Variants in PCDHGA4 observed in about 807,000 individuals in gnomAD.
The protein encoded by PCDHGA4 is protocadherin gamma-A4.
In PCDHGA4, 38 loss-of-function variants were observed where a neutral mutation model predicts 54.6. The ratio of observed to expected loss-of-function variants is 0.70; its 90% CI spans 0.54 to 0.91. PCDHGA4 has a LOEUF of 0.91. Ranked by LOEUF, PCDHGA4 falls within the 40% of genes least tolerant of loss-of-function variation. The probability of loss-of-function intolerance (pLI) is 0.00; values close to 1 mark genes in which losing one functional copy is unlikely to be tolerated. For missense variants in PCDHGA4, 1,298 were observed against 1,220.9 expected, an observed-to-expected ratio of 1.06 and a Z score of -0.94; for synonymous variants, 511 against 512.9, an observed-to-expected ratio of 1.00 and a Z score of 0.05.
rs752720166 is a variant in PCDHGA4, at chr5:141,419,978, G to C, written c.2514+62357G>C. 1.9e-6 allele frequency: 3 copies of C among 1,614,076 alleles called. No homozygotes were observed. In the South Asian group the frequency reaches 3.3e-5, roughly 18 times the overall value. On this transcript the variant is annotated intron_variant, in intron 1 of 3. Transcript: ENST00000571252. Reference sequence around the variant, plus strand: ...GATTTCTGTGCTCTTTCTCCTCGCGGTGATTCTAGCTATTGCTCTACGCCT... The same window carrying C: ...GATTTCTGTGCTCTTTCTCCTCGCGCTGATTCTAGCTATTGCTCTACGCCT...
Position 141,486,070 on chromosome 5 carries a change from T to C in PCDHGA4, c.2515-8737T>C. ...ACCTCTTTAGCCTGCACCCCACTAC[T>C]GGAAAGCTTACTCTTTTGGGGCCCC... On this transcript the variant is annotated intron_variant, in intron 1 of 3. Coordinates refer to ENST00000571252, the MANE Select transcript of PCDHGA4 (RefSeq NM_018917.4). The surrounding 1 kb of genome is among the most constrained non-coding windows in gnomAD (Gnocchi z 5.0). 6.2e-7 allele frequency: 1 copy of C among 1,614,158 alleles called. No homozygotes were observed. The highest frequency in any genetic ancestry group is 8.5e-7 in the Non-Finnish European group (1 of 1,180,010).
intron 1 of PCDHGA4, chr5:141,364,818 G>C (rs897458319): frequency 2.0e-5 from 33 of 1,613,896 alleles, no homozygotes; most frequent in Non-Finnish European, 2.5e-5. Context: ...GCGGATGTGG[G>C]TGTGAACTCT....
chr5:141,400,524 G>T, intron 1 of PCDHGA4: 1 of 1,613,920 alleles, frequency 6.2e-7, no homozygotes, highest in Non-Finnish European at 8.5e-7. Flanking sequence ...ATCCTGAGTT[G>T]GTGAGTTTCA....
intron 1 of PCDHGA4, chr5:141,373,841 C>T: frequency 2.3e-6 from 1 of 438,764 alleles, no homozygotes; most frequent in Non-Finnish European, 4.0e-6. Flanking sequence ...TAAGTTAGGA[C>T]TCTAAGCGTC....
Position 141,476,696 on chromosome 5 carries a change from G to T in PCDHGA4, c.2515-18111G>T, listed in dbSNP as rs750429892. ...GACGCGGGAGGACAGCACCAAGTAC[G>T]CGGAGCTGGTGTTGGAGCGCGCCCT... On this transcript the variant is annotated intron_variant, in intron 1 of 3. Transcript: ENST00000571252. This position sits in a 1 kb window ranked among gnomAD's most constrained non-coding sequence, Gnocchi z 7.6. 3 of 1,614,102 alleles carry T rather than the reference G, an allele frequency of 1.9e-6. No individual in the cohort carries two copies. The highest frequency in any genetic ancestry group is 2.5e-6 in the Non-Finnish European group (3 of 1,180,050).
chr5:141,444,475 A>C (rs572738630), intron 1 of PCDHGA4, among the ~76,000 whole-genome samples: 2 of 152,110 alleles, frequency 1.3e-5, no homozygotes, highest in East Asian at 3.9e-4. Context: ...CCGGTCGCGT[A>C]CTGGATTTAT....
At chr5:141,433,237 A>G in intron 1 of PCDHGA4, 1 of 1,495,940 alleles carries the variant, frequency 6.7e-7, no homozygotes, top group South Asian at 1.3e-5. Flanking sequence ...TCTGTCTCCC[A>G]AGCTGGAATG....
intron 1 of PCDHGA4, chr5:141,427,241 T>C (rs1381559575): frequency 4.4e-6 from 2 of 456,696 alleles, no homozygotes; most frequent in Admixed American, 2.3e-5. Flanking sequence ...GAGTAGAAGC[T>C]AAGGATGGTG....
At chr5:141,374,089 G>A in intron 1 of PCDHGA4, 1 of 1,532,432 alleles carries the variant, frequency 6.5e-7, no homozygotes, top group Non-Finnish European at 8.8e-7. Flanking sequence ...CAGTAATGGC[G>A]CCTCCGCAGA....
rs2099612668 is a variant in PCDHGA4, at chr5:141,485,382, TGA to T, written c.2515-9424_2515-9423del. The T allele has an allele frequency of 6.2e-7, 1 of 1,613,538 alleles. No homozygotes were observed. The highest frequency in any genetic ancestry group is 8.5e-7 in the Non-Finnish European group (1 of 1,179,906). On this transcript the variant is annotated intron_variant, in intron 1 of 3. Coordinates refer to ENST00000571252, the MANE Select transcript of PCDHGA4 (RefSeq NM_018917.4). The surrounding 1 kb of genome is among the most constrained non-coding windows in gnomAD (Gnocchi z 5.7). ...CGCAGGCTGCAGGTCGCTGGAGAGG[TGA>T]ACCAAAGACACTTCCGTGTGGATTT...
rs182936964 is a variant in PCDHGA4, at chr5:141,502,069, T to C, written c.2574-3324T>C. 1.1e-3 allele frequency among the ~76,000 whole-genome samples: 175 copies of C among 152,186 alleles called. 1 individual carries two copies. Among genetic ancestry groups the C allele is most frequent in the African/African-American group, 3.9e-3 (162 of 41,524 alleles). ...CCCTACTTTATTCCCATTAGCCCCC[T>C]TCACCTGGGGCTGAGAACACCTGGC... On this transcript the variant is annotated intron_variant, in intron 2 of 3. Coordinates refer to ENST00000571252, the MANE Select transcript of PCDHGA4 (RefSeq NM_018917.4).
rs567684479 is a variant in PCDHGA4 at position 141,432,875 on chromosome 5, G to T, written c.2515-61932G>T. The T allele has an allele frequency of 6.2e-7, 1 of 1,614,178 alleles. No individual in the cohort carries two copies. Among genetic ancestry groups the T allele is most frequent in the South Asian group, 1.1e-5 (1 of 91,084 alleles). ...GGCCGCGGTCTCCTGCGTCTTCCTG[G>T]CCTTCGTCATCTTGCTGCTGGCGCT... On this transcript the variant is annotated intron_variant, in intron 1 of 3. Coordinates refer to ENST00000571252, the MANE Select transcript of PCDHGA4 (RefSeq NM_018917.4). This position sits in a 1 kb window ranked among gnomAD's most constrained non-coding sequence, Gnocchi z 6.0.
chr5:141,415,227 T>A, intron 1 of PCDHGA4: 2 of 1,614,126 alleles, frequency 1.2e-6, no homozygotes, highest in African/African-American at 2.7e-5. Context: ...GCTTCGAGTC[T>A]CCAGCTAACT....
chr5:141,365,265 C>A lies in PCDHGA4; in HGVS notation c.2514+7644C>A, dbSNP rs759196627. ...CTACAATCACTGGACTATGAAGAAT[C>A]CAGATTCTACCTCATGGAAGTGGTA... is the stretch of plus-strand genomic sequence containing the variant. On this transcript the variant is annotated intron_variant, in intron 1 of 3. Transcript: ENST00000571252. 53 of 1,613,846 alleles carry A rather than the reference C, an allele frequency of 3.3e-5. 1 individual carries two copies. The South Asian group carries it at 5.4e-4, about 16-fold the overall frequency.
intron 1 of PCDHGA4, among the ~76,000 whole-genome samples, chr5:141,457,444 G>T (rs1253183319): frequency 6.6e-6 from 1 of 152,134 alleles, no homozygotes; most frequent in African/African-American, 2.4e-5. Context: ...AGCTGCAGAA[G>T]ATCACCACTT....
intron 1 of PCDHGA4, chr5:141,390,071 C>G (rs1322880756): frequency 1.2e-6 from 2 of 1,614,084 alleles, no homozygotes; most frequent in Non-Finnish European, 1.7e-6. Flanking sequence ...AGCCTGGTCT[C>G]TGTGTTAAAT....
At chr5:141,441,764 C>T (rs1407504024) in intron 1 of PCDHGA4, 1 of 384,478 alleles carries the variant, frequency 2.6e-6, no homozygotes, top group South Asian at 2.1e-5. Context: ...TGAGCCTGCG[C>T]GTGTTGGTGG....
intron 1 of PCDHGA4, chr5:141,385,444 G>C: frequency 6.9e-7 from 1 of 1,448,588 alleles, no homozygotes; most frequent in East Asian, 2.5e-5. Context: ...GTAAAAATGA[G>C]TTTACCAGTT....
chr5:141,509,207 A>C (rs1263006059), intron 3 of PCDHGA4, among the ~76,000 whole-genome samples: 2 of 151,694 alleles, frequency 1.3e-5, no homozygotes, highest in Non-Finnish European at 2.9e-5. Context: ...CTGTCTCTCT[A>C]TTTCTCAATC....
Sources: gnomAD v4.1 joint callset for allele counts (sites outside exome capture counted in the v4.1 genomes callset) on GRCh38, gnomAD v4.1.1 for gene constraint, Gnocchi (gnomAD v3.1) non-coding constraint, MANE v1.5 for transcripts, NCBI Gene and HGNC (gene_info 2026-07-23, HGNC 2026-07-21) for gene names.